CTNNA3: variants seen among roughly 807,000 people sequenced by gnomAD.
CTNNA3 encodes catenin alpha 3.
Under a neutral mutation model 95.7 loss-of-function variants are expected in CTNNA3, and 76 were observed. That is an observed-to-expected ratio of 0.79 (90% CI 0.66 to 0.96). The LOEUF (loss-of-function observed/expected upper bound fraction) is 0.96, where lower values mean the gene tolerates loss of function less well. Among genes scored for constraint, CTNNA3 ranks in the 40% least tolerant of loss-of-function variants. The pLI is 0.00. For missense variants in CTNNA3, 1,191 were observed against 1,089.8 expected (o/e 1.09, Z -1.31); for synonymous variants, 431 against 374.4 (o/e 1.15, Z -1.74).
At chr10:66,061,267 A>G (rs1024533149) in intron 15 of CTNNA3, among the ~76,000 whole-genome samples, 2 of 152,134 alleles carry the variant, frequency 1.3e-5, no homozygotes, top group Non-Finnish European at 2.9e-5. Context: ...CTTGCTCCAC[A>G]TCTTCAGTTT....
intron 14 of CTNNA3, among the ~76,000 whole-genome samples, chr10:66,075,935 T>A (rs1056715572): frequency 2.0e-5 from 3 of 151,754 alleles, no homozygotes; most frequent in African/African-American, 7.2e-5. Flanking sequence ...TCCATGAAAC[T>A]GGATGAAACA....
chr10:66,099,813 T>C lies in CTNNA3; in HGVS notation c.1977+3344A>G, dbSNP rs541562912. Among the ~76,000 whole-genome samples, 5 of 152,226 alleles carry C rather than the reference T, an allele frequency of 3.3e-5. No individual in the cohort carries two copies. In the South Asian group the frequency reaches 1.0e-3, roughly 32 times the overall value. ...TGATACATCAGGTTTATTGCTCTGG[T>C]GGTGGTCTATCTGTTTGTTTTTTAG... On this transcript the variant is annotated intron_variant, in intron 14 of 17. Transcript: ENST00000433211.
rs112367917 is a variant in CTNNA3 at position 66,168,217 on chromosome 10, A to T, written c.1885-64968T>A. ...CTTTGTAGTTCTTATATTGTGTCAC[A>T]AATGGAAACTCCCCATACCATATTG... On this transcript the variant is annotated intron_variant, in intron 13 of 17. Coordinates refer to ENST00000433211, the MANE Select transcript of CTNNA3 (RefSeq NM_013266.4). 8.4e-3 allele frequency among the ~76,000 whole-genome samples: 1,284 copies of T among 152,304 alleles called. 31 individuals carry two copies. The highest frequency in any genetic ancestry group is 0.029 in the African/African-American group (1,195 of 41,564).
In CTNNA3 at chr10:67,543,085, TA is replaced by T. The variant is rs140948147; in HGVS notation, c.293-3417del. On this transcript the variant is annotated intron_variant, in intron 3 of 17. Transcript: ENST00000433211. ...TCTTCAAGAAATCCCACTCTATACA[TA>T]AAAATAATTTACTAAAGGTCTTGAA... is the stretch of plus-strand genomic sequence containing the variant. Among the ~76,000 whole-genome samples, 719 of 152,130 alleles carry T rather than the reference TA, an allele frequency of 4.7e-3. 8 individuals carry two copies. Among genetic ancestry groups the T allele is most frequent in the Middle Eastern group, 0.02 (6 of 294 alleles).
Position 66,747,574 on chromosome 10 carries a change from A to G in CTNNA3, c.1281+18690T>C, listed in dbSNP as rs199598809. ...CACGTCACTTAGCTACCTTCCAGTC[A>G]TAACTCAGATCTAATCTTTCTTAGC... On this transcript the variant is annotated intron_variant, in intron 9 of 17. Transcript: ENST00000433211. 1.8e-3 allele frequency among the ~76,000 whole-genome samples: 269 copies of G among 151,276 alleles called. 1 individual carries two copies. The highest frequency in any genetic ancestry group is 5.9e-3 in the African/African-American group (242 of 40,846).
intron 13 of CTNNA3, among the ~76,000 whole-genome samples, chr10:66,222,378 A>C (rs2088979962): frequency 6.6e-6 from 1 of 152,152 alleles, no homozygotes; most frequent in Non-Finnish European, 1.5e-5. Context: ...ATAGCTACTT[A>C]CTATTAGCTT....
intron 1 of CTNNA3, among the ~76,000 whole-genome samples, chr10:67,648,279 G>A (rs189534320): frequency 9.2e-5 from 14 of 152,134 alleles, no homozygotes; most frequent in African/African-American, 2.2e-4. Flanking sequence ...TCGGATTAAC[G>A]TTCAAAAACT....
chr10:67,064,898 G>C (rs1855978098), intron 7 of CTNNA3, among the ~76,000 whole-genome samples: 1 of 152,092 alleles, frequency 6.6e-6, no homozygotes, highest in Non-Finnish European at 1.5e-5. Flanking sequence ...AGCTAGTTCT[G>C]AGGAGAAAAA....
chr10:66,129,900 C>T (rs945306622), intron 13 of CTNNA3, among the ~76,000 whole-genome samples: 1 of 152,086 alleles, frequency 6.6e-6, no homozygotes, highest in Non-Finnish European at 1.5e-5. Flanking sequence ...TTTACTTCCC[C>T]GACAGTGCAC....
rs546414603 is a variant in CTNNA3, at chr10:66,943,955, G to A, written c.1048-168431C>T. On this transcript the variant is annotated intron_variant, in intron 7 of 17. Transcript: ENST00000433211. ...TTTAGAGAATCACAATCTTTTTGCT[G>A]GTGTAGGGTCTTTCCTTGATGTTGA... 3.3e-5 allele frequency among the ~76,000 whole-genome samples: 5 copies of A among 152,284 alleles called. No homozygotes were observed. In the South Asian group the frequency reaches 8.3e-4, roughly 25 times the overall value.
At chr10:66,652,731 A>G (rs1484158728) in intron 9 of CTNNA3, among the ~76,000 whole-genome samples, 1 of 152,162 alleles carries the variant, frequency 6.6e-6, no homozygotes, top group East Asian at 1.9e-4. Flanking sequence ...ATAGATACAA[A>G]TATCCTCAAC....
chr10:66,930,836 G>A (rs1847342982), intron 7 of CTNNA3, among the ~76,000 whole-genome samples: 1 of 151,992 alleles, frequency 6.6e-6, no homozygotes, highest in South Asian at 2.1e-4. Context: ...AAATCCCTTA[G>A]GTGGTAAAAC....
At chr10:67,205,251 T>C (rs1863843072) in intron 6 of CTNNA3, among the ~76,000 whole-genome samples, 1 of 152,208 alleles carries the variant, frequency 6.6e-6, no homozygotes, top group Non-Finnish European at 1.5e-5. Context: ...ATCTCTTTTA[T>C]GTCATAATTT....
intron 7 of CTNNA3, among the ~76,000 whole-genome samples, chr10:67,033,746 G>A (rs948598717): frequency 4.6e-5 from 7 of 152,098 alleles, no homozygotes; most frequent in Non-Finnish European, 8.8e-5. Context: ...TCTAGAATCT[G>A]CATAAGTAAC....
At chr10:66,842,100 GTTTTTCTT>G (rs1374937031) in intron 7 of CTNNA3, among the ~76,000 whole-genome samples, 7 of 151,574 alleles carry the variant, frequency 4.6e-5, no homozygotes, top group Non-Finnish European at 1.5e-5. Flanking sequence ...GGCTAAATTC[GTTTTTCTT>G]TTTTTCTTTT....
rs375304070 is a variant in CTNNA3 at position 67,606,960 on chromosome 10, C to T, written c.189G>A (p.Glu63=). 4.3e-6 allele frequency: 7 copies of T among 1,613,684 alleles called. No individual in the cohort carries two copies. The African/African-American group carries it at 9.3e-5, about 22-fold the overall frequency. ...TGTCTAATAAATTCCAAGTTGCTTC[C>T]TCCACAGAAGCTAGAAGGACACTGG... is the stretch of plus-strand genomic sequence containing the variant. ...KRASVLLASV[E]EATWNLLDKG... The change falls in exon 3 of 18, where the codon GAG becomes GAA. Residue 63 remains glutamate, a synonymous_variant. Coordinates refer to ENST00000433211, the MANE Select transcript of CTNNA3 (RefSeq NM_013266.4).
chr10:67,640,379 T>C (rs1839486055), intron 2 of CTNNA3, among the ~76,000 whole-genome samples: 1 of 152,136 alleles, frequency 6.6e-6, no homozygotes, highest in African/African-American at 2.4e-5. Context: ...GGAAGAACAT[T>C]CCATGCTCAT....
chr10:67,010,848 TA>T (rs1462529548), intron 7 of CTNNA3, among the ~76,000 whole-genome samples: 1 of 152,240 alleles, frequency 6.6e-6, no homozygotes, highest in African/African-American at 2.4e-5. Flanking sequence ...TTGTAGATAC[TA>T]ATTAAATATT....
At chr10:67,236,043 A>C (rs2132316333) in intron 5 of CTNNA3, among the ~76,000 whole-genome samples, 1 of 144,274 alleles carries the variant, frequency 6.9e-6, no homozygotes, top group South Asian at 2.2e-4. Context: ...AGAAATAGGA[A>C]CACTTTTACA....
Sources: allele counts gnomAD v4.1 joint callset (sites outside exome capture counted in the v4.1 genomes callset), GRCh38; gene constraint gnomAD v4.1.1; transcripts MANE v1.5; gene names NCBI Gene and HGNC (gene_info 2026-07-23, HGNC 2026-07-21).